The following DNAI3 variants were observed in gnomAD, a reference collection of about 807,000 sequenced individuals.
DNAI3 encodes the protein dynein axonemal intermediate chain 3.
In DNAI3, 83 loss-of-function variants were observed where a neutral mutation model predicts 115.5. The observed-to-expected ratio is 0.72, with a 90% confidence interval of 0.60 to 0.86. DNAI3 has a LOEUF of 0.86. DNAI3 is among the 40% of genes least tolerant of loss of function. DNAI3 has a pLI of 0.00. For synonymous variants in DNAI3, 320 were observed against 347.0 expected (o/e 0.92, Z 0.86); for missense variants, 1,004 against 1,075.8 (o/e 0.93, Z 0.93).
chr1:85,073,705 T>G (rs1654360479), intron 3 of DNAI3, among the ~76,000 whole-genome samples: 1 of 152,194 alleles, frequency 6.6e-6, no homozygotes, highest in African/African-American at 2.4e-5. Flanking sequence ...TTTTGTCTTT[T>G]AATCGTATGG....
intron 13 of DNAI3, among the ~76,000 whole-genome samples, chr1:85,100,965 G>T (rs1431815626): frequency 6.7e-6 from 1 of 150,178 alleles, no homozygotes. Context: ...ACACTCTGGG[G>T]ACTGTTGTGG....
At chr1:85,090,849 G>A (rs991185542) in intron 8 of DNAI3, among the ~76,000 whole-genome samples, 1 of 152,202 alleles carries the variant, frequency 6.6e-6, no homozygotes, top group African/African-American at 2.4e-5. Flanking sequence ...GTTTAGAGAA[G>A]TGGATCCACT....
chr1:85,114,297 G>A (rs545588289), intron 16 of DNAI3, among the ~76,000 whole-genome samples: 39 of 152,168 alleles, frequency 2.6e-4, no homozygotes, highest in Non-Finnish European at 5.0e-4. Flanking sequence ...ACAGGTATGA[G>A]CCACCACGCC....
intron 18 of DNAI3, among the ~76,000 whole-genome samples, chr1:85,122,848 G>C (rs907588804): frequency 2.0e-5 from 3 of 152,192 alleles, no homozygotes; most frequent in Admixed American, 2.0e-4. Flanking sequence ...TGGGGCATAG[G>C]GTTGTGGGCA....
At chr1:85,112,639 G>A (rs1325108810) in intron 16 of DNAI3, among the ~76,000 whole-genome samples, 1 of 152,188 alleles carries the variant, frequency 6.6e-6, no homozygotes, top group Non-Finnish European at 1.5e-5. Flanking sequence ...AAAATATACA[G>A]TCGGATCTCA....
chr1:85,117,788 C>T lies in DNAI3; in HGVS notation c.1846C>T (p.Leu616=). The change falls in exon 17 of 23, where the codon CTG becomes TTG. Residue 616 remains leucine (L), a synonymous_variant. Coordinates refer to ENST00000294664, the MANE Select transcript of DNAI3 (RefSeq NM_145172.5). ...AGAAGAAATGAACCCGTATCATAAT[C>T]TGGAAAGTGGGATGGCCAATCTTCT... is the stretch of plus-strand genomic sequence containing the variant. ...KAEEMNPYHN[L]ESGMANLLKP... The T allele has an allele frequency of 6.2e-7, 1 of 1,613,958 alleles. No individual in the cohort carries two copies. The highest frequency in any genetic ancestry group is 8.5e-7 in the Non-Finnish European group (1 of 1,179,860).
At position 85,085,836 on chromosome 1, in the gene DNAI3, A is replaced by C. The variant is rs1654785102; in HGVS notation, c.546A>C (p.Thr182=). 1 of 1,613,694 alleles carries C rather than the reference A, an allele frequency of 6.2e-7. No homozygotes were observed. Among genetic ancestry groups the C allele is most frequent in the South Asian group, 1.1e-5 (1 of 91,068 alleles). ...ESVTESTKQI[T]YMISRKRSEF... ...ACTGTTTACATGTGTTACAGATTAC[A>C]TATATGATTTCTCGAAAACGAAGTG... Residue 182 remains threonine (T), a synonymous_variant, in exon 7 of 23, where the codon ACA becomes ACC. Transcript: ENST00000294664.
At chr1:85,104,363 T>G (rs189274447) in intron 13 of DNAI3, among the ~76,000 whole-genome samples, 161 bp from the exon 14 acceptor site, 3 of 152,284 alleles carry the variant, frequency 2.0e-5, no homozygotes, top group Admixed American at 6.5e-5. Context: ...CTCGTGATCC[T>G]CCCTGCCTCA....
intron 1 of DNAI3, among the ~76,000 whole-genome samples, chr1:85,071,281 G>A (rs932898621): frequency 3.9e-5 from 6 of 152,160 alleles, no homozygotes; most frequent in Non-Finnish European, 8.8e-5. Context: ...AAACAGAATG[G>A]GACAAAGGTG....
intron 3 of DNAI3, among the ~76,000 whole-genome samples, 164 bp downstream of exon 3, chr1:85,073,256 AAAAAT>A (rs1253056725): frequency 6.6e-6 from 1 of 152,160 alleles, no homozygotes; most frequent in Non-Finnish European, 1.5e-5. Flanking sequence ...TTTTAAAAGA[AAAAAT>A]AGAAGTAGAG....
At chr1:85,084,267 T>C (rs970925016) in intron 5 of DNAI3, among the ~76,000 whole-genome samples, 2 of 110,238 alleles carry the variant, frequency 1.8e-5, no homozygotes, top group Non-Finnish European at 4.0e-5. Flanking sequence ...TATATATATA[T>C]ATATATATAT....
At chr1:85,080,320 C>T (rs879928316) in intron 3 of DNAI3, among the ~76,000 whole-genome samples, 6 of 152,074 alleles carry the variant, frequency 3.9e-5, no homozygotes, top group Admixed American at 6.6e-5. Flanking sequence ...TGTCAGCCAC[C>T]GCGCCCAGCT....
chr1:85,080,046 C>CTTTTTTTTTTTTTTTTTTTTTTTTTT (rs35938324), intron 3 of DNAI3, among the ~76,000 whole-genome samples: 1 of 68,380 alleles, frequency 1.5e-5, no homozygotes, highest in Non-Finnish European at 2.7e-5. Context: ...TTTTCTTTTT[C>CTTTTTTTTTTTTTTTTTTTTTTTTTT]TTTTTTTTTT....
intron 1 of DNAI3, among the ~76,000 whole-genome samples, chr1:85,068,404 G>A (rs749614903): frequency 9.2e-5 from 14 of 152,072 alleles, no homozygotes; most frequent in Non-Finnish European, 1.9e-4. Flanking sequence ...GAATCTTATT[G>A]GGTCTACTTA....
intron 13 of DNAI3, among the ~76,000 whole-genome samples, chr1:85,103,961 T>C (rs1314960756): frequency 6.7e-6 from 1 of 149,460 alleles, no homozygotes; most frequent in Non-Finnish European, 1.5e-5. Flanking sequence ...AATGTTCAAA[T>C]TATGTGGAGG....
At chr1:85,125,259 T>A (rs1483992239) in intron 19 of DNAI3, among the ~76,000 whole-genome samples, 1 of 152,102 alleles carries the variant, frequency 6.6e-6, no homozygotes, top group Admixed American at 6.5e-5. Flanking sequence ...TATATGTATA[T>A]ATGCATATGT....
At chr1:85,114,014 T>A (rs1398818239) in intron 16 of DNAI3, among the ~76,000 whole-genome samples, 1 of 80,380 alleles carries the variant, frequency 1.2e-5, no homozygotes, top group African/African-American at 5.0e-5. Flanking sequence ...ACAATTTGTA[T>A]CTTTTTTTTT....
intron 14 of DNAI3, among the ~76,000 whole-genome samples, chr1:85,105,160 C>A (rs1181108612): frequency 1.3e-5 from 2 of 152,064 alleles, no homozygotes; most frequent in African/African-American, 4.8e-5. Context: ...AATCCTTTGA[C>A]CCCAGTGGAA....
intron 1 of DNAI3, among the ~76,000 whole-genome samples, chr1:85,064,686 G>A (rs911779464): frequency 6.6e-6 from 1 of 151,970 alleles, no homozygotes; most frequent in African/African-American, 2.4e-5. Context: ...GATTGCTTGA[G>A]GCCAGGAGTT....
Sources: gnomAD v4.1 joint callset for allele counts (sites outside exome capture counted in the v4.1 genomes callset) on GRCh38, gnomAD v4.1.1 for gene constraint, MANE v1.5 for transcripts, NCBI Gene and HGNC (gene_info 2026-07-23, HGNC 2026-07-21) for gene names.